KCNH8: variants seen among roughly 807,000 people sequenced by gnomAD.
KCNH8 encodes the protein voltage-gated delayed rectifier potassium channel KCNH8.
Under a neutral mutation model 103.6 loss-of-function variants are expected in KCNH8, and 70 were observed. The observed-to-expected ratio is 0.68, with a 90% CI of 0.56 to 0.82. KCNH8 has a LOEUF of 0.82. KCNH8 is among the 40% of genes least tolerant of loss of function. The pLI is 0.00. For synonymous variants in KCNH8, 498 were observed against 489.4 expected (o/e 1.02, Z -0.23); for missense variants, 1,217 against 1,329.9 (o/e 0.92, Z 1.32).
At chr3:19,509,840 C>A (rs2068753365) in intron 11 of KCNH8, among the ~76,000 whole-genome samples, 1 of 151,948 alleles carries the variant, frequency 6.6e-6, no homozygotes, top group South Asian at 2.1e-4. Flanking sequence ...ATAGCTCATG[C>A]CTATGAGCGT....
chr3:19,249,710 A>C (rs1360094349), intron 1 of KCNH8, among the ~76,000 whole-genome samples: 2 of 152,202 alleles, frequency 1.3e-5, no homozygotes, highest in Non-Finnish European at 2.9e-5. Context: ...ATATGTCCTA[A>C]ATATTTAAAA....
chr3:19,338,594 AGTAAGGCACGGTG>A (rs1265020176), intron 3 of KCNH8, among the ~76,000 whole-genome samples: 4 of 152,128 alleles, frequency 2.6e-5, no homozygotes, highest in African/African-American at 9.6e-5. Context: ...AATACCATTT[AGTAAGGCACGGTG>A]GTCAACTGGA....
chr3:19,331,708 C>T (rs991718751), intron 3 of KCNH8, among the ~76,000 whole-genome samples: 7 of 152,114 alleles, frequency 4.6e-5, no homozygotes, highest in Non-Finnish European at 8.8e-5. Flanking sequence ...GAGTATCCAT[C>T]CCCTCAAGCA....
At chr3:19,355,664 G>A (rs189567365) in intron 5 of KCNH8, among the ~76,000 whole-genome samples, 4 of 152,004 alleles carry the variant, frequency 2.6e-5, no homozygotes, top group East Asian at 3.9e-4. Flanking sequence ...GTTCTCACTC[G>A]TAGGTGGCAA....
chr3:19,242,055 G>A (rs571505705), intron 1 of KCNH8, among the ~76,000 whole-genome samples: 1 of 152,270 alleles, frequency 6.6e-6, no homozygotes, highest in African/African-American at 2.4e-5. Context: ...AGTGGAAAGA[G>A]CTGGGAAGAA....
intron 1 of KCNH8, among the ~76,000 whole-genome samples, chr3:19,168,107 T>A (rs1029130988): frequency 8.6e-5 from 13 of 152,014 alleles, no homozygotes; most frequent in Admixed American, 3.9e-4. Context: ...GTCTCCTTGG[T>A]TCAAGCGATT....
intron 1 of KCNH8, among the ~76,000 whole-genome samples, chr3:19,241,251 A>G (rs767489700): frequency 6.6e-6 from 1 of 152,060 alleles, no homozygotes; most frequent in Non-Finnish European, 1.5e-5. Context: ...GTCACTGTTC[A>G]TACATAACTT....
chr3:19,481,463 A>G (rs7617994), intron 11 of KCNH8, among the ~76,000 whole-genome samples: 11,855 of 152,144 alleles, frequency 0.078, 947 homozygotes, highest in East Asian at 0.27. Context: ...TGTAAAGGAT[A>G]TAAAAATTTT....
At chr3:19,435,438 G>A (rs368012673) in intron 7 of KCNH8, among the ~76,000 whole-genome samples, 3 of 152,284 alleles carry the variant, frequency 2.0e-5, no homozygotes, top group Admixed American at 6.5e-5. Flanking sequence ...GTTAGTACAC[G>A]TAAATGAGAT....
At chr3:19,254,189 A>G (rs1299045541) in intron 2 of KCNH8, among the ~76,000 whole-genome samples, 2 of 152,154 alleles carry the variant, frequency 1.3e-5, no homozygotes, top group African/African-American at 4.8e-5. Flanking sequence ...AATTCTTAAA[A>G]TATACGTTAT....
chr3:19,161,023 A>G (rs574618891), intron 1 of KCNH8, among the ~76,000 whole-genome samples: 54 of 152,290 alleles, frequency 3.5e-4, no homozygotes, highest in Non-Finnish European at 6.5e-4. Context: ...AGAAGAGGAA[A>G]AAATATGCTG....
chr3:19,379,204 AAT>A (rs1338180325), intron 5 of KCNH8, among the ~76,000 whole-genome samples: 3 of 152,244 alleles, frequency 2.0e-5, no homozygotes, highest in Non-Finnish European at 4.4e-5. Flanking sequence ...TTACAGTTTA[AAT>A]ATACAAAGTA....
chr3:19,175,850 C>T (rs1357012003), intron 1 of KCNH8, among the ~76,000 whole-genome samples: 1 of 152,050 alleles, frequency 6.6e-6, no homozygotes, highest in Non-Finnish European at 1.5e-5. Flanking sequence ...TATGACTTTT[C>T]AGAGGGGCTA....
chr3:19,235,269 G>C (rs1010399137), intron 1 of KCNH8, among the ~76,000 whole-genome samples: 1 of 152,074 alleles, frequency 6.6e-6, no homozygotes, highest in African/African-American at 2.4e-5. Flanking sequence ...TCGGGAGGGG[G>C]TAACTTCAAA....
chr3:19,362,647 A>G (rs888795368), intron 5 of KCNH8, among the ~76,000 whole-genome samples: 2 of 151,934 alleles, frequency 1.3e-5, no homozygotes, highest in African/African-American at 4.8e-5. Flanking sequence ...TTTCCTCAGT[A>G]TTTGTTTTTG....
intron 8 of KCNH8, among the ~76,000 whole-genome samples, chr3:19,443,905 ATGGTG>A (rs1559330387): frequency 5.9e-5 from 9 of 152,114 alleles, no homozygotes; most frequent in Non-Finnish European, 1.0e-4. Flanking sequence ...AGGATGTACA[ATGGTG>A]ATGGTTGCTA....
intron 5 of KCNH8, among the ~76,000 whole-genome samples, chr3:19,376,734 C>T (rs531608006): frequency 6.6e-6 from 1 of 152,254 alleles, no homozygotes; most frequent in South Asian, 2.1e-4. Context: ...AAGCTTTGAA[C>T]ATTTTTATTT....
rs868715278 is a variant in KCNH8, at chr3:19,308,691, T to C, written c.442+27362T>C. On this transcript the variant is annotated intron_variant, in intron 3 of 15. Coordinates refer to ENST00000328405, the MANE Select transcript of KCNH8 (RefSeq NM_144633.3). ...CTCTCTCTCTCTCTCTCTCTCTCTC[T>C]CTCTCTCTCTCTCTCTCTCTCTCTC... Among the ~76,000 whole-genome samples, 141 of 68,932 alleles carry C rather than the reference T, an allele frequency of 2.0e-3. 5 individuals are homozygous for C. Among genetic ancestry groups the C allele is most frequent in the African/African-American group, 4.4e-3 (56 of 12,858 alleles). 45.2% of individuals were successfully genotyped at this position (68,932 alleles called of 152,430 possible).
At chr3:19,211,753 T>A (rs2063773756) in intron 1 of KCNH8, among the ~76,000 whole-genome samples, 1 of 152,200 alleles carries the variant, frequency 6.6e-6, no homozygotes, top group Admixed American at 6.6e-5. Flanking sequence ...ATCGCATTTA[T>A]TTTTTAGTTC....
Sources: allele counts gnomAD v4.1 joint callset (sites outside exome capture counted in the v4.1 genomes callset), GRCh38; gene constraint gnomAD v4.1.1; transcripts MANE v1.5; gene names NCBI Gene and HGNC (gene_info 2026-07-23, HGNC 2026-07-21).